ATXN2: variants seen among roughly 807,000 people sequenced by gnomAD.
The protein encoded by ATXN2 is ataxin-2.
Under a neutral mutation model 138.6 loss-of-function variants are expected in ATXN2, and 37 were observed. That is an observed-to-expected ratio of 0.27 (90% CI 0.21 to 0.35). The LOEUF is 0.35. Among genes scored for constraint, ATXN2 ranks in the 10% least tolerant of loss-of-function variants. ATXN2 has a pLI of 1.00. For missense variants in ATXN2, 1,216 were observed against 1,480.3 expected, an observed-to-expected ratio of 0.82 and a Z score of 2.93; for synonymous variants, 549 against 543.7, an observed-to-expected ratio of 1.01 and a Z score of -0.13.
At chr12:111,495,980 C>CAAAA (rs142965624) in intron 14 of ATXN2, among the ~76,000 whole-genome samples, 1 of 133,750 alleles carries the variant, frequency 7.5e-6, no homozygotes, top group Admixed American at 7.8e-5. Context: ...CCCATCTCTA[C>CAAAA]AAAAAAAAAA....
intron 5 of ATXN2, among the ~76,000 whole-genome samples, chr12:111,542,217 T>C (rs2135771874): frequency 6.6e-6 from 1 of 151,188 alleles, no homozygotes; most frequent in East Asian, 1.9e-4. Flanking sequence ...ATCTTCAATT[T>C]ATCCCCATGT....
intron 5 of ATXN2, among the ~76,000 whole-genome samples, chr12:111,534,535 A>G (rs893158128): frequency 1.1e-4 from 17 of 152,120 alleles, no homozygotes; most frequent in African/African-American, 3.9e-4. Flanking sequence ...TTAATTCTAT[A>G]AATTTGTTTT....
At chr12:111,485,675 T>C (rs377639182) in intron 17 of ATXN2, 38 bp downstream of exon 17, 56 of 1,609,390 alleles carry the variant, frequency 3.5e-5, no homozygotes, top group Middle Eastern at 1.6e-4. Context: ...ATACAAACAA[T>C]TGGGGAGGCT....
chr12:111,599,326 A>C, upstream of ATXN2: 2 of 151,162 alleles, frequency 1.3e-5, no homozygotes, highest in Non-Finnish European at 7.3e-6. Flanking sequence ...GCCGGGAGGG[A>C]GGGGGGCCGG....
intron 18 of ATXN2, among the ~76,000 whole-genome samples, chr12:111,472,639 A>G (rs1310080827): frequency 2.6e-5 from 4 of 152,034 alleles, no homozygotes; most frequent in African/African-American, 9.7e-5. Flanking sequence ...TGCAATCTTG[A>G]CTCACTGCAC....
At chr12:111,531,623 C>T (rs1265990636) in intron 5 of ATXN2, among the ~76,000 whole-genome samples, 1 of 152,064 alleles carries the variant, frequency 6.6e-6, no homozygotes, top group Non-Finnish European at 1.5e-5. Flanking sequence ...ATATTAAAGA[C>T]TATAATACTG....
intron 5 of ATXN2, among the ~76,000 whole-genome samples, chr12:111,546,779 A>C (rs948490862): frequency 2.6e-5 from 4 of 152,232 alleles, no homozygotes; most frequent in African/African-American, 9.6e-5. Context: ...GGCCCTAAGA[A>C]GTTTTAGCAA....
intron 14 of ATXN2, among the ~76,000 whole-genome samples, chr12:111,489,927 G>A (rs569026294): frequency 3.9e-5 from 6 of 152,176 alleles, no homozygotes; most frequent in African/African-American, 9.6e-5. Flanking sequence ...TCAGGGCTGC[G>A]TGCAGTGGCT....
intron 1 of ATXN2, among the ~76,000 whole-genome samples, chr12:111,563,383 G>A (rs1431397063): frequency 1.3e-5 from 2 of 151,984 alleles, no homozygotes; most frequent in South Asian, 2.1e-4. Context: ...TTTGTTGATT[G>A]TTTTAAAGGA....
At position 111,599,071 on chromosome 12, in the gene ATXN2, G is replaced by A. The variant is rs2135864081; in HGVS notation, c.-37C>T. On this transcript the variant is annotated 5_prime_UTR_variant, in exon 1 of 25. Coordinates refer to ENST00000673436, the MANE Select transcript of ATXN2 (RefSeq NM_001372574.1). ...CATACACCGGCTCGCACGCCGGGCG[G>A]GGACAGCCGGGAGCCGGGCGCGCCA... 1.4e-6 allele frequency: 2 copies of A among 1,423,400 alleles called. No homozygotes were observed. Among genetic ancestry groups the A allele is most frequent in the Non-Finnish European group, 1.8e-6 (2 of 1,087,824 alleles). 88.2% of individuals were successfully genotyped at this position (1,423,400 alleles called of 1,614,324 possible).
intron 5 of ATXN2, among the ~76,000 whole-genome samples, chr12:111,550,024 T>C (rs1000246914): frequency 7.2e-6 from 1 of 139,856 alleles, no homozygotes; most frequent in Non-Finnish European, 1.5e-5. Context: ...ATCAGGCCAC[T>C]GCACTCCAGC....
intron 14 of ATXN2, among the ~76,000 whole-genome samples, chr12:111,499,702 A>G (rs2135715790): frequency 6.6e-6 from 1 of 151,888 alleles, no homozygotes; most frequent in Middle Eastern, 3.4e-3. Context: ...AAAAAAAAGG[A>G]AGACATACAA....
At chr12:111,496,115 A>G (rs1414670484) in intron 14 of ATXN2, among the ~76,000 whole-genome samples, 3 of 152,070 alleles carry the variant, frequency 2.0e-5, no homozygotes, top group African/African-American at 7.2e-5. Context: ...AGATCATGAC[A>G]TGTACTCCAG....
intron 1 of ATXN2, among the ~76,000 whole-genome samples, chr12:111,586,997 G>A (rs1284697257): frequency 6.6e-6 from 1 of 151,028 alleles, no homozygotes; most frequent in Non-Finnish European, 1.5e-5. Context: ...CCAGACCAGA[G>A]GCTAAAGCAG....
At chr12:111,471,730 A>G (rs1381746760) in intron 18 of ATXN2, 1 of 151,620 alleles carries the variant, frequency 6.6e-6, no homozygotes, top group African/African-American at 2.4e-5. Flanking sequence ...TTTATCTTGG[A>G]TGCACGTATT....
intron 5 of ATXN2, among the ~76,000 whole-genome samples, chr12:111,535,491 G>A (rs1048951552): frequency 3.9e-5 from 6 of 152,072 alleles, no homozygotes; most frequent in Non-Finnish European, 7.4e-5. Flanking sequence ...GCATGGTGGC[G>A]CGCGCCTGTC....
At chr12:111,558,812 A>AAAT (rs961032469) in intron 1 of ATXN2, among the ~76,000 whole-genome samples, 1 of 152,064 alleles carries the variant, frequency 6.6e-6, no homozygotes, top group African/African-American at 2.4e-5. Context: ...ATAATTAACT[A>AAAT]AATAATAATA....
At chr12:111,504,412 C>T in intron 14 of ATXN2, among the ~76,000 whole-genome samples, 1 of 152,156 alleles carries the variant, frequency 6.6e-6, no homozygotes, top group East Asian at 1.9e-4. Flanking sequence ...TCAGCCACTA[C>T]AGTAGTGGGA....
upstream of ATXN2, chr12:111,599,400 C>T (rs1885151664): frequency 8.6e-7 from 1 of 1,167,974 alleles, no homozygotes. Flanking sequence ...CCGCCCCGCC[C>T]GCTCCGCCGC....
Sources: gnomAD v4.1 joint callset for allele counts (sites outside exome capture counted in the v4.1 genomes callset) on GRCh38, gnomAD v4.1.1 for gene constraint, MANE v1.5 for transcripts, NCBI Gene and HGNC (gene_info 2026-07-23, HGNC 2026-07-21) for gene names.